The following PPFIBP1 variants were observed in gnomAD, a reference collection of about 807,000 sequenced individuals.
PPFIBP1 encodes the protein liprin-beta-1.
In PPFIBP1, 112 loss-of-function variants were observed where a neutral mutation model predicts 137.8. That is an observed-to-expected ratio of 0.81 (90% CI 0.70 to 0.95). The LOEUF (loss-of-function observed/expected upper bound fraction) is 0.95. Among genes scored for constraint, PPFIBP1 ranks in the 40% least tolerant of loss-of-function variants. PPFIBP1 has a pLI of 0.00. For missense variants in PPFIBP1, 1,083 were observed against 1,196.6 expected, an observed-to-expected ratio of 0.91 and a Z score of 1.40; for synonymous variants, 378 against 417.3, an observed-to-expected ratio of 0.91 and a Z score of 1.15.
intron 1 of PPFIBP1, among the ~76,000 whole-genome samples, chr12:27,577,634 T>G (rs1416575127): frequency 6.6e-6 from 1 of 152,208 alleles, no homozygotes; most frequent in Non-Finnish European, 1.5e-5. Flanking sequence ...TAAGTATGAG[T>G]TATTCAAGAG....
intron 2 of PPFIBP1, among the ~76,000 whole-genome samples, chr12:27,590,177 T>G (rs1174701867): frequency 7.2e-6 from 1 of 138,878 alleles, no homozygotes; most frequent in Non-Finnish European, 1.6e-5. Context: ...TAGGATTTTG[T>G]TTTTTTTGTT....
intron 11 of PPFIBP1, among the ~76,000 whole-genome samples, chr12:27,661,588 G>A (rs1421197385): frequency 6.6e-6 from 1 of 152,136 alleles, no homozygotes; most frequent in Non-Finnish European, 1.5e-5. Context: ...ACCTGACCAC[G>A]TATCTAGCAG....
Position 27,692,838 on chromosome 12 carries a change from C to T in PPFIBP1, c.2974C>T (p.Arg992Cys), listed in dbSNP as rs766416232. 40 of 1,614,112 alleles carry T rather than the reference C, an allele frequency of 2.5e-5. No homozygotes were observed. The highest frequency in any genetic ancestry group is 5.0e-5 in the Admixed American group (3 of 60,012). ...EDDMFKDFAA[R>C]SPSASITDED... ...TGACATGTTTAAAGATTTTGCTGCC[C>T]GTTCCCCCAGTGCCAGCATTACAGA... Residue 992 changes from arginine to cysteine, a missense_variant, in exon 30 of 30, where the codon CGT (arginine) becomes TGT (cysteine). Coordinates refer to ENST00000228425, the MANE Select transcript of PPFIBP1 (RefSeq NM_003622.4).
chr12:27,533,771 A>G (rs1046715667), intron 1 of PPFIBP1, among the ~76,000 whole-genome samples: 2 of 152,232 alleles, frequency 1.3e-5, no homozygotes, highest in Non-Finnish European at 2.9e-5. Context: ...AAGCAAGCAT[A>G]CAGTCTTCAG....
At chr12:27,673,696 C>T in intron 15 of PPFIBP1, 71 bp from the exon 16 acceptor site, 1 of 1,348,874 alleles carries the variant, frequency 7.4e-7, no homozygotes. Context: ...TAGTTTCTTT[C>T]CAAGATGTTT....
chr12:27,584,605 A>T (rs1441262541), intron 2 of PPFIBP1, among the ~76,000 whole-genome samples: 4 of 152,246 alleles, frequency 2.6e-5, no homozygotes, highest in African/African-American at 9.6e-5. Context: ...AAACTTTCCC[A>T]GTCCCACTGT....
intron 1 of PPFIBP1, among the ~76,000 whole-genome samples, chr12:27,577,939 G>C (rs577349786): frequency 3.1e-4 from 47 of 152,292 alleles, no homozygotes; most frequent in African/African-American, 1.0e-3. Flanking sequence ...GGAAGGAAGG[G>C]AGAGAAGGGT....
intron 1 of PPFIBP1, among the ~76,000 whole-genome samples, chr12:27,533,317 C>T (rs1944610236): frequency 6.6e-6 from 1 of 152,060 alleles, no homozygotes; most frequent in South Asian, 2.1e-4. Context: ...AGGAGAATAA[C>T]AATAATAATA....
At chr12:27,621,442 C>A (rs547352772) in intron 2 of PPFIBP1, among the ~76,000 whole-genome samples, 1 of 152,180 alleles carries the variant, frequency 6.6e-6, no homozygotes, top group East Asian at 1.9e-4. Flanking sequence ...ATTACATTAC[C>A]CCTTAGTATT....
At chr12:27,593,747 A>G in intron 2 of PPFIBP1, 1 of 680,758 alleles carries the variant, frequency 1.5e-6, no homozygotes, top group Non-Finnish European at 2.5e-6. Flanking sequence ...CTGTGTTGTC[A>G]GAGCCAACGT....
intron 2 of PPFIBP1, among the ~76,000 whole-genome samples, chr12:27,582,411 G>A (rs1337999278): frequency 6.6e-6 from 1 of 152,152 alleles, no homozygotes; most frequent in Non-Finnish European, 1.5e-5. Flanking sequence ...TGGATGTGTG[G>A]TTTAATGTTA....
chr12:27,543,477 G>C lies in PPFIBP1; in HGVS notation c.-124+19112G>C, dbSNP rs532649751. Among the ~76,000 whole-genome samples, 5 of 152,200 alleles carry C rather than the reference G, an allele frequency of 3.3e-5. No individual in the cohort carries two copies. In the East Asian group the frequency reaches 5.8e-4, roughly 18 times the overall value. ...GTTAAGGGTTAACATTCTTACATCTGTTCTGGGAACTTTAGATCCGTTGCC... is the reference window on the plus strand; with the variant it reads ...GTTAAGGGTTAACATTCTTACATCTCTTCTGGGAACTTTAGATCCGTTGCC... On this transcript the variant is annotated intron_variant, in intron 1 of 29. Coordinates refer to ENST00000228425, the MANE Select transcript of PPFIBP1 (RefSeq NM_003622.4).
rs2058731359 is a variant in PPFIBP1, at chr12:27,649,302, A to G, written c.472-708A>G. ...AACCTCTCTGTTACTATGTTTCCTC[A>G]TCTTTTGATTAAGGATAATAAGAAT... On this transcript the variant is annotated intron_variant, in intron 6 of 29. Coordinates refer to ENST00000228425, the MANE Select transcript of PPFIBP1 (RefSeq NM_003622.4). Among the ~76,000 whole-genome samples the G allele has an allele frequency of 2.6e-5, 4 of 152,032 alleles. No homozygotes were observed. In the South Asian group the frequency reaches 8.3e-4, roughly 32 times the overall value.
rs142954378 is a variant in PPFIBP1 at position 27,638,286 on chromosome 12, A to G, written c.270+3171A>G. 4.8e-3 allele frequency among the ~76,000 whole-genome samples: 735 copies of G among 152,342 alleles called. 6 individuals carry two copies. The highest frequency in any genetic ancestry group is 0.017 in the African/African-American group (701 of 41,588). ...TAGAATTTAAGGAACACAGAATCCT[A>G]GCAAATTCCCCCTTCATATTGAACA... is the stretch of plus-strand genomic sequence containing the variant. On this transcript the variant is annotated intron_variant, in intron 4 of 29. Coordinates refer to ENST00000228425, the MANE Select transcript of PPFIBP1 (RefSeq NM_003622.4).
intron 2 of PPFIBP1, among the ~76,000 whole-genome samples, chr12:27,622,157 G>T (rs1464278370): frequency 6.6e-6 from 1 of 152,136 alleles, no homozygotes; most frequent in East Asian, 1.9e-4. Flanking sequence ...CTCCCCATTT[G>T]TTGGGGTTTT....
At chr12:27,668,148 G>GC (rs1593254639) in intron 13 of PPFIBP1, among the ~76,000 whole-genome samples, 1 of 152,004 alleles carries the variant, frequency 6.6e-6, no homozygotes, top group African/African-American at 2.4e-5. Context: ...AAATACACTC[G>GC]CCCCCTTTCC....
chr12:27,561,637 T>C (rs568315491), intron 1 of PPFIBP1, among the ~76,000 whole-genome samples: 2 of 152,186 alleles, frequency 1.3e-5, no homozygotes, highest in Non-Finnish European at 2.9e-5. Context: ...CTCCAGCTTC[T>C]CTGACCTCTC....
intron 24 of PPFIBP1, among the ~76,000 whole-genome samples, chr12:27,684,375 C>T (rs2061074177): frequency 6.6e-6 from 1 of 152,198 alleles, no homozygotes; most frequent in African/African-American, 2.4e-5. Context: ...TCCCAAAGTG[C>T]TGGGATTACA....
chr12:27,621,852 T>C (rs2056371405), intron 2 of PPFIBP1, among the ~76,000 whole-genome samples: 1 of 152,232 alleles, frequency 6.6e-6, no homozygotes, highest in South Asian at 2.1e-4. Flanking sequence ...AGTGAGTTTT[T>C]GACCATGTGA....
Sources: gnomAD v4.1 joint callset for allele counts (sites outside exome capture counted in the v4.1 genomes callset) on GRCh38, gnomAD v4.1.1 for gene constraint, MANE v1.5 for transcripts, NCBI Gene and HGNC (gene_info 2026-07-23, HGNC 2026-07-21) for gene names.